The following NRG1 variants were observed in gnomAD, a reference collection of about 807,000 sequenced individuals.
NRG1 encodes neuregulin 1, also known as pro-neuregulin-1, membrane-bound isoform.
Under a neutral mutation model 63.8 loss-of-function variants are expected in NRG1, and 18 were observed. The observed-to-expected ratio is 0.28, with a 90% CI of 0.19 to 0.42. The LOEUF is 0.42. Ranked by LOEUF, NRG1 falls within the 10% of genes least tolerant of loss-of-function variation. The probability of loss-of-function intolerance (pLI) is 1.00; values close to 1 mark genes in which losing one functional copy is unlikely to be tolerated. For missense variants in NRG1, 762 were observed against 814.7 expected, an observed-to-expected ratio of 0.94 and a Z score of 0.79; for synonymous variants, 302 against 301.3, an observed-to-expected ratio of 1.00 and a Z score of -0.02.
At chr8:32,354,490 C>T (rs540624019) in intron 1 of NRG1, among the ~76,000 whole-genome samples, 3 of 151,952 alleles carry the variant, frequency 2.0e-5, no homozygotes, top group East Asian at 3.9e-4. Context: ...GGAGGATTAC[C>T]AAGGGGCAAG....
chr8:31,815,119 T>G (rs1170384462), intron 1 of NRG1, among the ~76,000 whole-genome samples: 1 of 152,174 alleles, frequency 6.6e-6, no homozygotes, highest in Non-Finnish European at 1.5e-5. Flanking sequence ...TATTTTTAAG[T>G]ATACGATTCA....
intron 1 of NRG1, among the ~76,000 whole-genome samples, chr8:31,892,322 C>T (rs1448748854): frequency 1.3e-5 from 2 of 152,120 alleles, no homozygotes; most frequent in African/African-American, 4.8e-5. Context: ...TCTCAATTAT[C>T]TGTCTTGTCT....
intron 1 of NRG1, among the ~76,000 whole-genome samples, chr8:32,419,153 T>C (rs1208582777): frequency 1.3e-5 from 2 of 152,172 alleles, no homozygotes; most frequent in Non-Finnish European, 2.9e-5. Flanking sequence ...AAGGTGGAAA[T>C]ATACAAACGC....
intron 1 of NRG1, among the ~76,000 whole-genome samples, chr8:32,148,513 C>T (rs1457994047): frequency 2.0e-5 from 3 of 152,206 alleles, no homozygotes; most frequent in African/African-American, 4.8e-5. Flanking sequence ...ATACTCCTGC[C>T]TCAGCCTCCC....
chr8:31,977,604 A>G (rs1404033493), intron 1 of NRG1, among the ~76,000 whole-genome samples: 2 of 152,114 alleles, frequency 1.3e-5, no homozygotes, highest in Non-Finnish European at 2.9e-5. Flanking sequence ...CATCCAATAT[A>G]CAAGCAAACC....
intron 1 of NRG1, among the ~76,000 whole-genome samples, chr8:31,801,677 T>A (rs2131723542): frequency 6.6e-6 from 1 of 152,346 alleles, no homozygotes; most frequent in African/African-American, 2.4e-5. Flanking sequence ...TATCACCAAC[T>A]CAACATGAAA....
intron 1 of NRG1, among the ~76,000 whole-genome samples, chr8:31,835,491 G>T (rs556671766): frequency 4.6e-5 from 7 of 152,072 alleles, no homozygotes; most frequent in Admixed American, 3.9e-4. Flanking sequence ...TAGTATAGAC[G>T]CTTGATATTT....
chr8:32,501,747 A>G (rs1827878664), intron 1 of NRG1, among the ~76,000 whole-genome samples: 1 of 152,232 alleles, frequency 6.6e-6, no homozygotes, highest in Non-Finnish European at 1.5e-5. Flanking sequence ...ATAATCAAAG[A>G]CATAATAAGT....
chr8:31,700,478 T>C lies in NRG1; in HGVS notation c.37+61047T>C, dbSNP rs115358318. ...TCATCCAAGATTGTTGTTTTCCATT[T>C]GCTGCTGAACAGCTGTTTGTTTGGC... is the stretch of plus-strand genomic sequence containing the variant. On this transcript the variant is annotated intron_variant, in intron 1 of 10. Coordinates refer to the NRG1 transcript ENST00000519301. Among the ~76,000 whole-genome samples, 622 of 152,332 alleles carry C rather than the reference T, an allele frequency of 4.1e-3. 6 individuals carry two copies. The highest frequency in any genetic ancestry group is 0.014 in the African/African-American group (589 of 41,582).
chr8:31,692,274 A>C (rs1809612287), intron 1 of NRG1, among the ~76,000 whole-genome samples: 1 of 152,178 alleles, frequency 6.6e-6, no homozygotes, highest in Non-Finnish European at 1.5e-5. Flanking sequence ...TGTACTGATG[A>C]TTTTCATTGA....
chr8:32,694,801 A>G (rs1812817910), intron 5 of NRG1, among the ~76,000 whole-genome samples: 1 of 152,164 alleles, frequency 6.6e-6, no homozygotes, highest in Non-Finnish European at 1.5e-5. Context: ...TTTAGTGTGT[A>G]CTCATTTTAC....
intron 1 of NRG1, among the ~76,000 whole-genome samples, chr8:31,698,746 A>G (rs1375220825): frequency 6.6e-6 from 1 of 152,238 alleles, no homozygotes; most frequent in African/African-American, 2.4e-5. Flanking sequence ...CAAGCAGCAT[A>G]TCAACTAAAG....
chr8:32,596,326 C>T (rs796919592), intron 2 of NRG1, among the ~76,000 whole-genome samples: 28 of 152,040 alleles, frequency 1.8e-4, no homozygotes, highest in African/African-American at 3.1e-4. Context: ...ATTTCTTGGC[C>T]GGGATGGTGG....
intron 5 of NRG1, among the ~76,000 whole-genome samples, chr8:32,688,977 AAC>A (rs1165508028): frequency 6.6e-6 from 1 of 152,152 alleles, no homozygotes; most frequent in Non-Finnish European, 1.5e-5. Flanking sequence ...CATAATCTTA[AAC>A]ACAACATGTG....
At chr8:32,017,224 A>C (rs1043978815) in intron 1 of NRG1, among the ~76,000 whole-genome samples, 1 of 152,250 alleles carries the variant, frequency 6.6e-6, no homozygotes, top group Non-Finnish European at 1.5e-5. Context: ...AAGGACAAAT[A>C]GAAACAACAT....
chr8:31,660,730 C>T (rs907143793), intron 1 of NRG1, among the ~76,000 whole-genome samples: 15 of 152,230 alleles, frequency 9.9e-5, no homozygotes, highest in African/African-American at 3.4e-4. Flanking sequence ...TGTAGTTTCT[C>T]TTTTAGTAGA....
chr8:32,237,356 T>C (rs1182093861), intron 1 of NRG1, among the ~76,000 whole-genome samples: 2 of 152,212 alleles, frequency 1.3e-5, no homozygotes, highest in Non-Finnish European at 2.9e-5. Context: ...ATTGCTATAA[T>C]TTCCAACATC....
intron 1 of NRG1, among the ~76,000 whole-genome samples, chr8:31,967,932 C>T (rs1421161234): frequency 6.6e-6 from 1 of 152,176 alleles, no homozygotes; most frequent in Admixed American, 6.5e-5. Context: ...GAAAAAAATA[C>T]TGGTACAGCA....
intron 2 of NRG1, among the ~76,000 whole-genome samples, chr8:32,602,907 C>T (rs1170144316): frequency 1.3e-5 from 2 of 152,016 alleles, no homozygotes; most frequent in Non-Finnish European, 2.9e-5. Flanking sequence ...TTGAACGCTC[C>T]AAAATTCAGC....
Sources: allele counts gnomAD v4.1 joint callset (sites outside exome capture counted in the v4.1 genomes callset), GRCh38; gene constraint gnomAD v4.1.1; transcripts MANE v1.5; gene names NCBI Gene and HGNC (gene_info 2026-07-23, HGNC 2026-07-21).